CPS1: variants seen among roughly 807,000 people sequenced by gnomAD.
CPS1 encodes the protein carbamoyl-phosphate synthase 1, also known as carbamoyl-phosphate synthase [ammonia], mitochondrial.
Under a neutral mutation model 174.6 loss-of-function variants are expected in CPS1, and 109 were observed. The ratio of observed to expected loss-of-function variants is 0.62; its 90% CI spans 0.53 to 0.73. CPS1 has a LOEUF of 0.73. Among genes scored for constraint, CPS1 ranks in the 30% least tolerant of loss-of-function variants. The pLI is 0.00. For missense variants in CPS1, 1,689 were observed against 1,821.9 expected, an observed-to-expected ratio of 0.93 and a Z score of 1.33; for synonymous variants, 637 against 632.0, an observed-to-expected ratio of 1.01 and a Z score of -0.12.
At chr2:210,574,577 C>A (rs940055251) in intron 2 of CPS1, among the ~76,000 whole-genome samples, 2 of 152,030 alleles carry the variant, frequency 1.3e-5, no homozygotes, top group African/African-American at 4.8e-5. Context: ...AACTTTTCGA[C>A]AGCACTAATT....
intron 1 of CPS1, among the ~76,000 whole-genome samples, chr2:210,526,079 G>A (rs1695964800): frequency 6.6e-6 from 1 of 151,872 alleles, no homozygotes; most frequent in Non-Finnish European, 1.5e-5. Flanking sequence ...TATGTCCTTT[G>A]CAGGGACATG....
chr2:210,661,890 A>G (rs968635747), intron 32 of CPS1, among the ~76,000 whole-genome samples: 12 of 146,816 alleles, frequency 8.2e-5, no homozygotes, highest in African/African-American at 2.7e-4. Flanking sequence ...AATAATATTG[A>G]TGGATAGATA....
chr2:210,573,445 G>A, intron 2 of CPS1, 38 bp downstream of exon 2: 1 of 1,440,908 alleles, frequency 6.9e-7, no homozygotes, highest in Non-Finnish European at 9.8e-7. Flanking sequence ...TTTTCCTCTA[G>A]TAGAGAAATA....
chr2:210,563,151 T>C (rs1010525632), intron 1 of CPS1, among the ~76,000 whole-genome samples: 3 of 152,184 alleles, frequency 2.0e-5, no homozygotes, highest in African/African-American at 7.2e-5. Flanking sequence ...TGTACTTATA[T>C]ACCCGATGCC....
At position 210,559,402 on chromosome 2, in the gene CPS1, G is replaced by A. The variant is rs770473777; in HGVS notation, c.126+2543G>A. The stretch of plus-strand genomic sequence containing the variant: ...CGGTGGGTTTGACGACAGCAATGAC[G>A]CACTTATAATTTTATGTGGCCCTTC... On this transcript the variant is annotated intron_variant, in intron 1 of 37. Transcript: ENST00000233072. Among the ~76,000 whole-genome samples the A allele has an allele frequency of 5.9e-5, 9 of 152,062 alleles. No homozygotes were observed. In the South Asian group the frequency reaches 6.2e-4, roughly 11 times the overall value.
At chr2:210,534,882 A>C (rs1400655453) in intron 1 of CPS1, among the ~76,000 whole-genome samples, 2 of 152,094 alleles carry the variant, frequency 1.3e-5, no homozygotes, top group Non-Finnish European at 2.9e-5. Context: ...TGAGGGGAGG[A>C]GTGTCCTATT....
intron 6 of CPS1, among the ~76,000 whole-genome samples, chr2:210,583,548 A>T (rs1169855483): frequency 6.6e-6 from 1 of 152,182 alleles, no homozygotes; most frequent in Non-Finnish European, 1.5e-5. Context: ...GGGTAGTAAC[A>T]GTAAGGTAGA....
intron 1 of CPS1, among the ~76,000 whole-genome samples, chr2:210,534,352 T>A (rs1015857934): frequency 2.0e-5 from 3 of 152,140 alleles, no homozygotes; most frequent in African/African-American, 2.4e-5. Flanking sequence ...CAGTAATCAC[T>A]TCATCTCTCT....
At chr2:210,515,458 G>A (rs1695657311) in intron 1 of CPS1, among the ~76,000 whole-genome samples, 1 of 151,524 alleles carries the variant, frequency 6.6e-6, no homozygotes, top group Non-Finnish European at 1.5e-5. Flanking sequence ...AGGAATTTAT[G>A]TGTTTCCTCT....
intron 21 of CPS1, among the ~76,000 whole-genome samples, chr2:210,629,321 TTC>T (rs1377359345): frequency 1.3e-5 from 2 of 152,310 alleles, no homozygotes; most frequent in Non-Finnish European, 2.9e-5. Context: ...TCCTTTTTTT[TTC>T]TTTTTTTTTG....
chr2:210,539,418 A>G (rs1427331380), intron 1 of CPS1, among the ~76,000 whole-genome samples: 1 of 152,210 alleles, frequency 6.6e-6, no homozygotes, highest in Non-Finnish European at 1.5e-5. Flanking sequence ...TGTACAAAAA[A>G]GTACCTTATT....
At chr2:210,660,134 G>T (rs1220718237) in intron 31 of CPS1, among the ~76,000 whole-genome samples, 1 of 152,100 alleles carries the variant, frequency 6.6e-6, no homozygotes, top group Non-Finnish European at 1.5e-5. Context: ...CTCCAATGAA[G>T]CAAGAGGACA....
rs1701063918 is a variant in CPS1, at chr2:210,665,476, TC to T, written c.4002+2285del. On this transcript the variant is annotated intron_variant, in intron 33 of 37. Coordinates refer to ENST00000233072, the MANE Select transcript of CPS1 (RefSeq NM_001875.5). The stretch of plus-strand genomic sequence containing the variant: ...ATCTCCTAATGCTATCCCTCCCCCC[TC>T]CCCCCACTCCACAACAGTCCCCAGA... Among the ~76,000 whole-genome samples, 16 of 85,490 alleles carry T rather than the reference TC, an allele frequency of 1.9e-4. No individual in the cohort carries two copies. The Admixed American group carries it at 2.2e-3, about 12-fold the overall frequency. The allele number at this position is 85,490 out of a possible 152,430, so 56.1% of individuals were successfully genotyped here. A position where few individuals can be genotyped will look rare whatever the true frequency, so the allele number is the denominator to read the frequency against.
intron 19 of CPS1, 39 bp downstream of exon 19, chr2:210,608,598 A>G: frequency 6.3e-7 from 1 of 1,595,692 alleles, no homozygotes; most frequent in Non-Finnish European, 8.6e-7. Context: ...TCTTGTTCTC[A>G]GTTATTTTGT....
chr2:210,651,818 T>C (rs74558621), intron 28 of CPS1, among the ~76,000 whole-genome samples: 4,356 of 152,282 alleles, frequency 0.029, 92 homozygotes, highest in Admixed American at 0.046. Context: ...CAGTAATCTA[T>C]GTATGTATTC....
At position 210,504,771 on chromosome 2, in the gene CPS1, G is replaced by A. The variant is rs569966213; in HGVS notation, c.3+27005G>A. The stretch of plus-strand genomic sequence containing the variant: ...AACCCAGTTCTACCCCATGCTGGAG[G>A]ACCTAAGTACATTGTGGCATACCCA... On this transcript the variant is annotated intron_variant, in intron 1 of 38. Transcript: ENST00000430249. Among the ~76,000 whole-genome samples, 9 of 152,296 alleles carry A rather than the reference G, an allele frequency of 5.9e-5. No homozygotes were observed. In the East Asian group the frequency reaches 1.4e-3, roughly 23 times the overall value.
chr2:210,491,311 T>C (rs1170746499), intron 1 of CPS1, among the ~76,000 whole-genome samples: 1 of 34,090 alleles, frequency 2.9e-5, no homozygotes. Flanking sequence ...ATCTGTGTTT[T>C]TTTTTTTTTT....
At chr2:210,556,184 A>C (rs1303558756), upstream of CPS1, among the ~76,000 whole-genome samples, 2 of 152,050 alleles carry the variant, frequency 1.3e-5, no homozygotes, top group African/African-American at 4.8e-5. Context: ...TGCTATTTGT[A>C]GGATGCTCTG....
intron 1 of CPS1, among the ~76,000 whole-genome samples, chr2:210,512,597 A>T (rs1241581487): frequency 6.6e-6 from 1 of 151,000 alleles, no homozygotes; most frequent in Non-Finnish European, 1.5e-5. Flanking sequence ...TTCTTTGTTC[A>T]ATCTACCATT....
Sources: allele counts gnomAD v4.1 joint callset (sites outside exome capture counted in the v4.1 genomes callset), GRCh38; gene constraint gnomAD v4.1.1; transcripts MANE v1.5; gene names NCBI Gene and HGNC (gene_info 2026-07-23, HGNC 2026-07-21).